The following NBAS variants were observed in gnomAD, a reference collection of about 807,000 sequenced individuals.
NBAS encodes NAG/BC035112 fusion.
NBAS carries 219 observed loss-of-function variants against 302.5 expected under a neutral mutation model. The observed-to-expected ratio is 0.72, with a 90% CI of 0.65 to 0.81. NBAS has a LOEUF of 0.81. Ranked by LOEUF, NBAS falls within the 30% of genes least tolerant of loss-of-function variation. The pLI is 0.00. For synonymous variants in NBAS, 1,118 were observed against 1,021.6 expected, an observed-to-expected ratio of 1.09 and a Z score of -1.80; for missense variants, 2,932 against 2,841.6, an observed-to-expected ratio of 1.03 and a Z score of -0.72.
intron 44 of NBAS, among the ~76,000 whole-genome samples, chr2:15,239,388 CGTGT>C (rs71400646): frequency 2.0e-4 from 17 of 82,976 alleles, no homozygotes; most frequent in African/African-American, 5.9e-4. Flanking sequence ...TGTATGTGTG[CGTGT>C]GTGTGTGTGT....
At chr2:15,247,446 T>C (rs1668143014) in intron 44 of NBAS, among the ~76,000 whole-genome samples, 1 of 152,054 alleles carries the variant, frequency 6.6e-6, no homozygotes. Flanking sequence ...ACTGGCAAAT[T>C]GGATGAAAGT....
the NBAS span, among the ~76,000 whole-genome samples, chr2:14,989,917 C>A: frequency 6.6e-6 from 1 of 151,878 alleles, no homozygotes; most frequent in East Asian, 1.9e-4. Context: ...AAAAGAAGGG[C>A]GTAAAATGGT....
At chr2:14,783,877 A>G in the NBAS span, among the ~76,000 whole-genome samples, 1 of 150,258 alleles carries the variant, frequency 6.7e-6, no homozygotes, top group Non-Finnish European at 1.5e-5. Flanking sequence ...CTAGTTCTAG[A>G]TCCCTGAGGA....
At chr2:14,849,332 A>G in the NBAS span, among the ~76,000 whole-genome samples, 1 of 151,946 alleles carries the variant, frequency 6.6e-6, no homozygotes, top group Non-Finnish European at 1.5e-5. Context: ...GGGTATCAGC[A>G]ATGGAAGATG....
intron 44 of NBAS, among the ~76,000 whole-genome samples, chr2:15,247,067 G>A: frequency 6.6e-6 from 1 of 152,150 alleles, no homozygotes; most frequent in African/African-American, 2.4e-5. Flanking sequence ...AGACAAGAAA[G>A]GAGGAATGTG....
At chr2:14,929,356 AT>A in the NBAS span, among the ~76,000 whole-genome samples, 4 of 148,426 alleles carry the variant, frequency 2.7e-5, no homozygotes, top group African/African-American at 7.6e-5. Flanking sequence ...TGAAATATTA[AT>A]TTTTTTACAG....
At chr2:14,856,718 C>A in the NBAS span, among the ~76,000 whole-genome samples, 2 of 151,684 alleles carry the variant, frequency 1.3e-5, no homozygotes, top group Non-Finnish European at 2.9e-5. Flanking sequence ...AAGAAAGAAT[C>A]AGTGAACTTG....
chr2:15,394,276 C>G lies in NBAS; in HGVS notation c.3208G>C (p.Glu1070Gln). The G allele has an allele frequency of 3.7e-6, 6 of 1,612,946 alleles. No individual in the cohort carries two copies. The highest frequency in any genetic ancestry group is 5.1e-6 in the Non-Finnish European group (6 of 1,179,356). ...CTAACCATCAGCTTGCGTGCCTCTTCTGAGCTAGATTGAGTGTTTTTAACA... is the reference window on the plus strand; with the variant it reads ...CTAACCATCAGCTTGCGTGCCTCTTGTGAGCTAGATTGAGTGTTTTTAACA... ...SFVKNTQSSSEEARKLMVRLT... is the reference protein window; with the variant it reads ...SFVKNTQSSSQEARKLMVRLT... Residue 1070 changes from glutamate (E) to glutamine (Q), a missense_variant, in exon 28 of 52, where the codon GAA (glutamate) becomes CAA (glutamine). Glu to Gln is a conservative substitution (Grantham distance 29). Coordinates refer to ENST00000281513, the MANE Select transcript of NBAS (RefSeq NM_015909.4).
chr2:15,253,432 G>C (rs1161654750), intron 44 of NBAS, among the ~76,000 whole-genome samples: 4 of 152,190 alleles, frequency 2.6e-5, no homozygotes, highest in Non-Finnish European at 5.9e-5. Context: ...GAGAAGAGAT[G>C]CAAAGGGTGC....
the NBAS span, among the ~76,000 whole-genome samples, chr2:14,911,794 C>A: frequency 6.6e-6 from 1 of 152,182 alleles, no homozygotes; most frequent in Non-Finnish European, 1.5e-5. Flanking sequence ...ACCTGTGTGT[C>A]CCTGAACAAG....
chr2:15,009,633 CACACAT>C, the NBAS span, among the ~76,000 whole-genome samples: 1 of 135,294 alleles, frequency 7.4e-6, no homozygotes, highest in Non-Finnish European at 1.7e-5. Flanking sequence ...CACACACACA[CACACAT>C]ATACACATAT....
At chr2:15,304,871 T>C (rs920754937) in intron 40 of NBAS, among the ~76,000 whole-genome samples, 1 of 152,122 alleles carries the variant, frequency 6.6e-6, no homozygotes, top group Non-Finnish European at 1.5e-5. Context: ...CAAAAAGAGA[T>C]GGTTTGGAAT....
At chr2:15,394,683 T>G (rs1439788358) in intron 27 of NBAS, among the ~76,000 whole-genome samples, 1 of 152,130 alleles carries the variant, frequency 6.6e-6, no homozygotes, top group Non-Finnish European at 1.5e-5. Flanking sequence ...CAGTTTTAAC[T>G]CTTATTAATC....
chr2:15,362,202 G>C (rs1673963932), intron 32 of NBAS, among the ~76,000 whole-genome samples: 1 of 151,830 alleles, frequency 6.6e-6, no homozygotes, highest in Non-Finnish European at 1.5e-5. Flanking sequence ...CTAGGGCCAG[G>C]CACGGTGGCT....
the NBAS span, among the ~76,000 whole-genome samples, chr2:15,100,190 G>T: frequency 6.6e-6 from 1 of 152,156 alleles, no homozygotes; most frequent in Non-Finnish European, 1.5e-5. Flanking sequence ...CCCGAATGAT[G>T]ATACTTATAA....
the NBAS span, among the ~76,000 whole-genome samples, chr2:14,841,103 G>A: frequency 1.3e-5 from 2 of 151,712 alleles, no homozygotes. Flanking sequence ...TGTGATCTAA[G>A]TTGTCATCTC....
chr2:15,245,895 A>G (rs759017229), intron 44 of NBAS, among the ~76,000 whole-genome samples: 2 of 152,204 alleles, frequency 1.3e-5, no homozygotes, highest in Non-Finnish European at 2.9e-5. Context: ...TCCTTTAAAA[A>G]GATGTAAAAG....
chr2:15,390,712 C>A (rs1321508458), intron 28 of NBAS, among the ~76,000 whole-genome samples: 1 of 152,022 alleles, frequency 6.6e-6, no homozygotes, highest in Non-Finnish European at 1.5e-5. Context: ...GTGTTGTATA[C>A]TTTAAATATA....
intron 22 of NBAS, among the ~76,000 whole-genome samples, chr2:15,425,767 G>A (rs773606208): frequency 6.6e-6 from 1 of 152,078 alleles, no homozygotes; most frequent in Non-Finnish European, 1.5e-5. Flanking sequence ...AAGAAAAAGG[G>A]GCCAACAGTA....
Sources: gnomAD v4.1 joint callset for allele counts (sites outside exome capture counted in the v4.1 genomes callset) on GRCh38, gnomAD v4.1.1 for gene constraint, MANE v1.5 for transcripts, NCBI Gene and HGNC (gene_info 2026-07-23, HGNC 2026-07-21) for gene names.